The following NTM variants were observed in gnomAD, a reference collection of about 807,000 sequenced individuals.
NTM encodes the protein IgLON family member 2.
A neutral mutation model predicts 42.1 loss-of-function variants in NTM; 13 were observed. The observed-to-expected ratio is 0.31, with a 90% CI of 0.20 to 0.49. The LOEUF (loss-of-function observed/expected upper bound fraction) is 0.49. Ranked by LOEUF, NTM falls within the 20% of genes least tolerant of loss-of-function variation. The pLI, the probability that NTM is intolerant of heterozygous loss-of-function variation, is 0.99. For synonymous variants in NTM, 187 were observed against 179.2 expected, an observed-to-expected ratio of 1.04 and a Z score of -0.35; for missense variants, 373 against 452.8, an observed-to-expected ratio of 0.82 and a Z score of 1.60.
intron 1 of NTM, among the ~76,000 whole-genome samples, chr11:131,458,233 A>G (rs1242363386): frequency 1.3e-5 from 2 of 152,228 alleles, no homozygotes; most frequent in African/African-American, 2.4e-5. Context: ...AGCAATCAAC[A>G]GTACAAGTGC....
At chr11:132,225,182 T>C (rs538732001) in intron 4 of NTM, among the ~76,000 whole-genome samples, 3 of 152,134 alleles carry the variant, frequency 2.0e-5, no homozygotes, top group Non-Finnish European at 4.4e-5. Context: ...AGTGTATACT[T>C]AGGTGCTGCA....
intron 1 of NTM, among the ~76,000 whole-genome samples, chr11:131,666,466 G>A (rs982774206): frequency 1.3e-5 from 2 of 152,174 alleles, no homozygotes; most frequent in Non-Finnish European, 2.9e-5. Context: ...AAGGCGTTGC[G>A]AGGGCAGGAG....
intron 8 of NTM, among the ~76,000 whole-genome samples, chr11:132,330,448 A>T (rs1417906057): frequency 6.6e-6 from 1 of 152,158 alleles, no homozygotes; most frequent in African/African-American, 2.4e-5. Context: ...AGTGCCCAGA[A>T]TAGCTCCATC....
intron 4 of NTM, among the ~76,000 whole-genome samples, chr11:132,217,886 A>G (rs997939074): frequency 6.6e-6 from 1 of 151,470 alleles, no homozygotes; most frequent in African/African-American, 2.4e-5. Flanking sequence ...TCCTCACCCC[A>G]CCATACATCC....
At chr11:131,699,625 C>T (rs1483466546) in intron 1 of NTM, among the ~76,000 whole-genome samples, 1 of 152,120 alleles carries the variant, frequency 6.6e-6, no homozygotes, top group East Asian at 1.9e-4. Context: ...ACTCACAGTT[C>T]AGCAGGGCTG....
At chr11:131,792,626 C>A (rs1317458250) in intron 1 of NTM, among the ~76,000 whole-genome samples, 1 of 152,192 alleles carries the variant, frequency 6.6e-6, no homozygotes, top group East Asian at 1.9e-4. Context: ...CCACCCCCAA[C>A]CTCATTGCTT....
intron 1 of NTM, among the ~76,000 whole-genome samples, chr11:131,425,465 G>A (rs1948039063): frequency 1.3e-5 from 2 of 152,088 alleles, no homozygotes; most frequent in Non-Finnish European, 2.9e-5. Context: ...ACATGATAAC[G>A]GGAACTTAGA....
rs74557378 is a variant in NTM, at chr11:131,814,121, G to T, written c.83-97443G>T. On this transcript the variant is annotated intron_variant, in intron 1 of 8. Transcript: ENST00000683400. Reference sequence around the variant, plus strand: ...TACTTCCCAGAGAGCTTAATAGAGCGCTCCACTCTTCTCTCTTCAGAAAGA... The same window carrying T: ...TACTTCCCAGAGAGCTTAATAGAGCTCTCCACTCTTCTCTCTTCAGAAAGA... Among the ~76,000 whole-genome samples the T allele has an allele frequency of 1.0e-3, 152 of 152,202 alleles. 3 individuals are homozygous for T. In the East Asian group the frequency reaches 0.027, roughly 27 times the overall value.
intron 1 of NTM, chr11:131,877,628 T>A (rs1259068656): frequency 6.6e-6 from 1 of 152,238 alleles, no homozygotes; most frequent in African/African-American, 2.4e-5. Flanking sequence ...TCTCCATTTT[T>A]CTTTCTTTAA....
At chr11:131,908,552 CT>C (rs1330077209) in intron 1 of NTM, among the ~76,000 whole-genome samples, 7 of 152,192 alleles carry the variant, frequency 4.6e-5, no homozygotes, top group African/African-American at 1.4e-4. Flanking sequence ...TTCCCCATGA[CT>C]AGCATTTGTT....
At chr11:131,552,138 G>A (rs1406879800) in intron 1 of NTM, among the ~76,000 whole-genome samples, 2 of 152,100 alleles carry the variant, frequency 1.3e-5, no homozygotes, top group East Asian at 3.9e-4. Flanking sequence ...AGGAAAGAAG[G>A]AAAAGAGCTG....
intron 1 of NTM, among the ~76,000 whole-genome samples, chr11:131,872,248 G>A (rs905718806): frequency 1.3e-5 from 2 of 152,186 alleles, no homozygotes; most frequent in Non-Finnish European, 2.9e-5. Context: ...TTAACCTTGA[G>A]AAAGTCCTCC....
At chr11:132,257,479 TC>T (rs1445353939) in intron 4 of NTM, among the ~76,000 whole-genome samples, 4 of 152,124 alleles carry the variant, frequency 2.6e-5, no homozygotes, top group Admixed American at 6.5e-5. Context: ...CATCTGTCCA[TC>T]CCGGGAAGCT....
At chr11:131,475,403 C>T (rs1405708745) in intron 1 of NTM, among the ~76,000 whole-genome samples, 2 of 152,028 alleles carry the variant, frequency 1.3e-5, no homozygotes, top group Non-Finnish European at 2.9e-5. Flanking sequence ...TTTGTGAGCT[C>T]CCACACATGA....
intron 1 of NTM, among the ~76,000 whole-genome samples, chr11:131,665,010 G>A (rs1258463904): frequency 6.6e-6 from 1 of 152,140 alleles, no homozygotes; most frequent in Non-Finnish European, 1.5e-5. Flanking sequence ...ACTGCTTCCT[G>A]CAGCCACGGA....
chr11:132,140,506 A>G (rs979674408), intron 2 of NTM, among the ~76,000 whole-genome samples: 4 of 152,156 alleles, frequency 2.6e-5, no homozygotes, highest in Admixed American at 1.3e-4. Context: ...GTCTAAGTCT[A>G]GTATTTTTGT....
chr11:131,508,980 A>C (rs1397931951), intron 1 of NTM, among the ~76,000 whole-genome samples: 1 of 151,774 alleles, frequency 6.6e-6, no homozygotes, highest in Non-Finnish European at 1.5e-5. Context: ...GCACATGTAT[A>C]CATATGTAAC....
chr11:131,893,239 C>T (rs1355415973), intron 1 of NTM, among the ~76,000 whole-genome samples: 1 of 152,124 alleles, frequency 6.6e-6, no homozygotes, highest in East Asian at 1.9e-4. Flanking sequence ...CATTGCTGGC[C>T]TAAAATATAT....
intron 1 of NTM, among the ~76,000 whole-genome samples, chr11:131,582,595 T>TAA (rs10674279): frequency 0.21 from 31,686 of 149,590 alleles, 6,080 homozygotes; most frequent in African/African-American, 0.51. Flanking sequence ...TGTTCTTGCT[T>TAA]AAAAAAAAAA....
Sources: gnomAD v4.1 joint callset for allele counts (sites outside exome capture counted in the v4.1 genomes callset) on GRCh38, gnomAD v4.1.1 for gene constraint, MANE v1.5 for transcripts, NCBI Gene and HGNC (gene_info 2026-07-23, HGNC 2026-07-21) for gene names.